The following TSHZ2 variants were observed in gnomAD, a reference collection of about 807,000 sequenced individuals.
The protein encoded by TSHZ2 is teashirt homolog 2.
A neutral mutation model predicts 74.4 loss-of-function variants in TSHZ2; 21 were observed. The observed-to-expected ratio is 0.28, with a 90% CI of 0.20 to 0.41. The LOEUF is 0.41. Among genes scored for constraint, TSHZ2 ranks in the 10% least tolerant of loss-of-function variants. The probability of loss-of-function intolerance (pLI) is 1.00; values close to 1 mark genes in which losing one functional copy is unlikely to be tolerated. For synonymous variants in TSHZ2, 540 were observed against 515.3 expected, an observed-to-expected ratio of 1.05 and a Z score of -0.65; for missense variants, 1,244 against 1,293.5, an observed-to-expected ratio of 0.96 and a Z score of 0.59.
intron 2 of TSHZ2, among the ~76,000 whole-genome samples, chr20:53,422,466 A>G (rs185123221): frequency 4.3e-4 from 65 of 152,264 alleles, no homozygotes; most frequent in African/African-American, 1.5e-3. Context: ...CGAAAGGAAA[A>G]ACTCACAGCA....
intron 1 of TSHZ2, among the ~76,000 whole-genome samples, chr20:53,159,558 A>G (rs1361714811): frequency 2.6e-5 from 4 of 152,224 alleles, no homozygotes; most frequent in African/African-American, 9.7e-5. Context: ...AGTTCATGGA[A>G]CACACATAAT....
chr20:52,982,443 C>A (rs201561468), intron 1 of TSHZ2, among the ~76,000 whole-genome samples: 3 of 152,170 alleles, frequency 2.0e-5, no homozygotes, highest in Non-Finnish European at 4.4e-5. Context: ...CTGCCTTTAG[C>A]GGCATCTCCA....
At chr20:53,244,530 C>A (rs1990155001) in intron 1 of TSHZ2, among the ~76,000 whole-genome samples, 1 of 152,186 alleles carries the variant, frequency 6.6e-6, no homozygotes, top group Admixed American at 6.5e-5. Context: ...GTCCCCTTCT[C>A]ACCCTTCTCC....
intron 1 of TSHZ2, among the ~76,000 whole-genome samples, chr20:53,089,886 T>C (rs1484020173): frequency 4.6e-5 from 7 of 152,196 alleles, no homozygotes; most frequent in Non-Finnish European, 8.8e-5. Flanking sequence ...ACTAATAGGA[T>C]AGATGTATAT....
intron 1 of TSHZ2, among the ~76,000 whole-genome samples, chr20:53,124,807 C>A (rs1313415231): frequency 2.0e-5 from 3 of 152,176 alleles, no homozygotes; most frequent in Non-Finnish European, 2.9e-5. Flanking sequence ...ACACTGTCAG[C>A]CAGAAAGTGA....
intron 2 of TSHZ2, among the ~76,000 whole-genome samples, chr20:53,473,204 G>A (rs1429753812): frequency 3.0e-4 from 43 of 145,748 alleles, no homozygotes; most frequent in Non-Finnish European, 5.7e-4. Context: ...TCTGGGGGCA[G>A]GGCACAGACA....
At chr20:53,436,631 C>A (rs1180861476) in intron 2 of TSHZ2, among the ~76,000 whole-genome samples, 1 of 149,250 alleles carries the variant, frequency 6.7e-6, no homozygotes, top group South Asian at 2.1e-4. Flanking sequence ...CTGCAACCTC[C>A]GCCTCCCGGG....
intron 1 of TSHZ2, among the ~76,000 whole-genome samples, chr20:53,235,081 T>C (rs928948861): frequency 1.0e-4 from 13 of 128,410 alleles, no homozygotes; most frequent in African/African-American, 3.3e-4. Flanking sequence ...TTGCAGAAAG[T>C]TGAGGTGGAA....
intron 1 of TSHZ2, among the ~76,000 whole-genome samples, chr20:53,016,250 T>C (rs1983035737): frequency 6.6e-6 from 1 of 152,118 alleles, no homozygotes; most frequent in Non-Finnish European, 1.5e-5. Context: ...CTTCTCTTCC[T>C]CCTCCCTTCC....
chr20:53,468,016 A>C (rs931955430), intron 2 of TSHZ2, among the ~76,000 whole-genome samples: 2 of 152,230 alleles, frequency 1.3e-5, no homozygotes, highest in Admixed American at 1.3e-4. Flanking sequence ...TAAAAGAAAA[A>C]AAAATAACAC....
intron 2 of TSHZ2, among the ~76,000 whole-genome samples, chr20:53,441,706 C>CT (rs1984336597): frequency 1.3e-5 from 2 of 151,952 alleles, no homozygotes; most frequent in South Asian, 2.1e-4. Context: ...CCTCAGCCTC[C>CT]GAGTAGCTGG....
chr20:53,025,846 C>G (rs1023624848), intron 1 of TSHZ2, among the ~76,000 whole-genome samples: 3 of 152,092 alleles, frequency 2.0e-5, no homozygotes, highest in Non-Finnish European at 2.9e-5. Flanking sequence ...ATAGGATGAC[C>G]CTCACCTTTA....
At chr20:53,395,243 G>A (rs1266900757) in intron 2 of TSHZ2, among the ~76,000 whole-genome samples, 1 of 152,210 alleles carries the variant, frequency 6.6e-6, no homozygotes, top group Non-Finnish European at 1.5e-5. Flanking sequence ...TAAGAAAAAT[G>A]TGACTTTTAG....
At chr20:53,228,223 G>A (rs551241767) in intron 1 of TSHZ2, among the ~76,000 whole-genome samples, 9 of 151,808 alleles carry the variant, frequency 5.9e-5, no homozygotes, top group Admixed American at 2.6e-4. Flanking sequence ...TGTGCCTCTG[G>A]AAGTCGACCA....
intron 2 of TSHZ2, among the ~76,000 whole-genome samples, chr20:53,335,322 G>A (rs6022396): frequency 0.011 from 1,730 of 152,334 alleles, 26 homozygotes; most frequent in African/African-American, 0.04. Flanking sequence ...CATCATGGAA[G>A]TGGTGAAAGG....
intron 1 of TSHZ2, among the ~76,000 whole-genome samples, chr20:53,088,916 C>T (rs751151765): frequency 2.0e-5 from 3 of 152,112 alleles, no homozygotes; most frequent in Non-Finnish European, 4.4e-5. Flanking sequence ...ATTGGGAGCA[C>T]TGAGTTCCAA....
At chr20:53,450,860 G>C (rs925245099) in intron 2 of TSHZ2, among the ~76,000 whole-genome samples, 1 of 151,760 alleles carries the variant, frequency 6.6e-6, no homozygotes, top group African/African-American at 2.4e-5. Flanking sequence ...AGGCTGCCAG[G>C]AAAAGAAAAA....
intron 2 of TSHZ2, among the ~76,000 whole-genome samples, chr20:53,393,553 T>C (rs1982337772): frequency 6.6e-6 from 1 of 152,154 alleles, no homozygotes; most frequent in African/African-American, 2.4e-5. Context: ...ACCAAACACA[T>C]TGTACCTGTT....
At chr20:53,469,066 T>TATATAC (rs1555872273) in intron 2 of TSHZ2, among the ~76,000 whole-genome samples, 41 of 126,892 alleles carry the variant, frequency 3.2e-4, no homozygotes, top group African/African-American at 1.2e-3. Flanking sequence ...TATATATATA[T>TATATAC]ATATATATAT....
Sources: allele counts gnomAD v4.1 joint callset (sites outside exome capture counted in the v4.1 genomes callset), GRCh38; gene constraint gnomAD v4.1.1; transcripts MANE v1.5; gene names NCBI Gene and HGNC (gene_info 2026-07-23, HGNC 2026-07-21).